The following SYN3 variants were observed in gnomAD, a reference collection of about 807,000 sequenced individuals.
SYN3 encodes the protein synapsin III.
In SYN3, 35 loss-of-function variants were observed where a neutral mutation model predicts 65.8. The observed-to-expected ratio is 0.53, with a 90% CI of 0.41 to 0.70. SYN3 has a LOEUF of 0.70. Among genes scored for constraint, SYN3 ranks in the 30% least tolerant of loss-of-function variants. SYN3 has a pLI of 0.00. For synonymous variants in SYN3, 270 were observed against 292.9 expected (o/e 0.92, Z 0.80); for missense variants, 680 against 749.0 (o/e 0.91, Z 1.08).
chr22:32,646,410 C>T (rs996652762), intron 6 of SYN3, among the ~76,000 whole-genome samples: 2 of 152,198 alleles, frequency 1.3e-5, no homozygotes, highest in African/African-American at 2.4e-5. Flanking sequence ...AATCCACTTA[C>T]ATTTCTTGCA....
intron 6 of SYN3, among the ~76,000 whole-genome samples, chr22:32,600,178 G>A (rs1282053476): frequency 6.6e-6 from 1 of 152,100 alleles, no homozygotes; most frequent in African/African-American, 2.4e-5. Context: ...TTGTTTTCTT[G>A]CAACTAGACA....
At chr22:32,758,184 C>T (rs771591547) in intron 6 of SYN3, among the ~76,000 whole-genome samples, 5 of 151,962 alleles carry the variant, frequency 3.3e-5, no homozygotes, top group African/African-American at 4.8e-5. Flanking sequence ...GGTTTGTTTC[C>T]GGTTGTACCA....
intron 1 of SYN3, among the ~76,000 whole-genome samples, chr22:33,056,629 C>T (rs1569426312): frequency 6.6e-6 from 1 of 152,238 alleles, no homozygotes; most frequent in East Asian, 1.9e-4. Flanking sequence ...CCCAGTTCTG[C>T]TTCCCTTATC....
chr22:32,512,018 C>T lies in SYN3; in HGVS notation c.*1674G>A, dbSNP rs5998523. On this transcript the variant is annotated 3_prime_UTR_variant, in exon 14 of 14. Transcript: ENST00000358763. ...CTGACCCAGTCTCCAGCCAATAGCC[C>T]GTCAAAAGCCAGCTTGAAGGCAGGC... Among the ~76,000 whole-genome samples the T allele has an allele frequency of 0.22, 33,527 of 152,114 alleles. 4,207 individuals are homozygous for T. Among genetic ancestry groups the T allele is most frequent in the African/African-American group, 0.33 (13,628 of 41,476 alleles).
At chr22:32,872,286 T>C (rs2048870211) in intron 4 of SYN3, among the ~76,000 whole-genome samples, 1 of 152,166 alleles carries the variant, frequency 6.6e-6, no homozygotes, top group Non-Finnish European at 1.5e-5. Flanking sequence ...TGAATGCATA[T>C]ATGAACACAT....
intron 12 of SYN3, among the ~76,000 whole-genome samples, chr22:32,526,954 G>T (rs1466973253): frequency 1.3e-5 from 2 of 152,170 alleles, no homozygotes; most frequent in African/African-American, 2.4e-5. Context: ...TGCAAGAGAG[G>T]ATACGGGGCG....
chr22:32,767,831 C>T (rs1036350267), intron 6 of SYN3, among the ~76,000 whole-genome samples: 2 of 152,046 alleles, frequency 1.3e-5, no homozygotes, highest in Admixed American at 6.6e-5. Context: ...TCTTCTCTAC[C>T]AACACTTCCT....
chr22:32,592,675 C>T (rs1569072086), intron 7 of SYN3, among the ~76,000 whole-genome samples: 1 of 152,170 alleles, frequency 6.6e-6, no homozygotes, highest in Non-Finnish European at 1.5e-5. Flanking sequence ...AGGCCATGCA[C>T]TTTTCTTTCT....
At chr22:32,774,130 T>C (rs1050611931) in intron 6 of SYN3, among the ~76,000 whole-genome samples, 3 of 152,036 alleles carry the variant, frequency 2.0e-5, no homozygotes, top group Non-Finnish European at 2.9e-5. Flanking sequence ...CTTGGATTGA[T>C]CCTGGGGACA....
chr22:32,751,196 G>C (rs1317141267), intron 6 of SYN3, among the ~76,000 whole-genome samples: 2 of 152,102 alleles, frequency 1.3e-5, no homozygotes, highest in African/African-American at 4.8e-5. Context: ...AGTGGAGGGG[G>C]TGTTTCAAGG....
At chr22:32,805,365 T>TC (rs1314632958) in intron 6 of SYN3, among the ~76,000 whole-genome samples, 2 of 152,200 alleles carry the variant, frequency 1.3e-5, no homozygotes, top group African/African-American at 4.8e-5. Context: ...GAAGCCATTT[T>TC]CAAAGAAACC....
At chr22:32,772,752 C>T (rs900030208) in intron 6 of SYN3, among the ~76,000 whole-genome samples, 4 of 152,120 alleles carry the variant, frequency 2.6e-5, no homozygotes, top group East Asian at 1.9e-4. Flanking sequence ...GCTGCAAGTC[C>T]GGGAATACTT....
intron 6 of SYN3, among the ~76,000 whole-genome samples, chr22:32,853,288 A>G (rs934953571): frequency 6.6e-6 from 1 of 152,186 alleles, no homozygotes; most frequent in African/African-American, 2.4e-5. Context: ...AAATTGCTGT[A>G]TAGAGAAAGA....
intron 6 of SYN3, among the ~76,000 whole-genome samples, chr22:32,620,647 T>C (rs555238247): frequency 1.3e-5 from 2 of 152,244 alleles, no homozygotes; most frequent in Admixed American, 6.5e-5. Context: ...CCCGGAAGCC[T>C]GCATTTTTGG....
intron 6 of SYN3, among the ~76,000 whole-genome samples, chr22:32,702,980 C>T (rs774841566): frequency 6.6e-6 from 1 of 152,164 alleles, no homozygotes; most frequent in Non-Finnish European, 1.5e-5. Context: ...TGACAAACTA[C>T]ACAAGTAATT....
At chr22:32,646,615 C>T (rs2059987586) in intron 6 of SYN3, among the ~76,000 whole-genome samples, 2 of 152,122 alleles carry the variant, frequency 1.3e-5, no homozygotes, top group Non-Finnish European at 2.9e-5. Context: ...AAGAAGATTG[C>T]AAATACAGCG....
chr22:32,765,540 C>T lies in SYN3; in HGVS notation c.711+99375G>A, dbSNP rs768663155. 3.9e-5 allele frequency among the ~76,000 whole-genome samples: 6 copies of T among 152,064 alleles called. No homozygotes were observed. The South Asian group carries it at 6.2e-4, about 16-fold the overall frequency. On this transcript the variant is annotated intron_variant, in intron 6 of 13. Coordinates refer to ENST00000358763, the MANE Select transcript of SYN3 (RefSeq NM_003490.4). ...GACAACTTTGGGGCTGGGGTGGTGA[C>T]GATAATGAGAAAATGACAGGCGAGA... is the stretch of plus-strand genomic sequence containing the variant.
intron 6 of SYN3, chr22:32,860,935 T>G (rs1601566086): frequency 6.8e-6 from 1 of 146,084 alleles, no homozygotes; most frequent in Admixed American, 6.8e-5. Context: ...TTTTTTGAAA[T>G]AAAACTATAA....
chr22:32,568,177 G>A (rs1343645102), intron 7 of SYN3, among the ~76,000 whole-genome samples: 1 of 152,138 alleles, frequency 6.6e-6, no homozygotes, highest in Admixed American at 6.5e-5. Flanking sequence ...ACCAGCCTGG[G>A]CTCCCTGTAC....
Sources: gnomAD v4.1 joint callset for allele counts (sites outside exome capture counted in the v4.1 genomes callset) on GRCh38, gnomAD v4.1.1 for gene constraint, MANE v1.5 for transcripts, NCBI Gene and HGNC (gene_info 2026-07-23, HGNC 2026-07-21) for gene names.